URI1: variants seen among roughly 807,000 people sequenced by gnomAD.
URI1 encodes the protein unconventional prefoldin RPB5 interactor 1.
In URI1, 39 loss-of-function variants were observed where a neutral mutation model predicts 60.2. The ratio of observed to expected loss-of-function variants is 0.65; its 90% confidence interval spans 0.50 to 0.85. The LOEUF (loss-of-function observed/expected upper bound fraction) is 0.85, where lower values mean the gene tolerates loss of function less well. Ranked by LOEUF, URI1 falls within the 40% of genes least tolerant of loss-of-function variation. The pLI, the probability that URI1 is intolerant of heterozygous loss-of-function variation, is 0.00. For missense variants in URI1, 691 were observed against 665.9 expected (o/e 1.04, Z -0.42); for synonymous variants, 251 against 236.8 (o/e 1.06, Z -0.55).
At chr19:29,970,865 TA>T (rs1317001945) in intron 1 of URI1, among the ~76,000 whole-genome samples, 1 of 152,118 alleles carries the variant, frequency 6.6e-6, no homozygotes, top group Non-Finnish European at 1.5e-5. Context: ...ACAAAATATG[TA>T]ATATTGAAAA....
In URI1 at chr19:30,009,036, G is replaced by A. The variant is rs759629218; in HGVS notation, c.718G>A (p.Asp240Asn). Residue 240 changes from aspartate (D) to asparagine (N), a missense_variant, in exon 8 of 11, where the codon GAT becomes AAT. By Grantham distance (23) the Asp-to-Asn change is conservative. Transcript: ENST00000392271. ...KPDTVIANGE[D>N]TTSSEEEKED... Reference sequence around the variant, plus strand: ...TGATACTGTGATTGCAAATGGAGAAGATACGACATCTTCTGAAGAGGAAAA... The same window carrying A: ...TGATACTGTGATTGCAAATGGAGAAAATACGACATCTTCTGAAGAGGAAAA... 28 of 1,612,690 alleles carry A rather than the reference G, an allele frequency of 1.7e-5. No individual in the cohort carries two copies. Among genetic ancestry groups the A allele is most frequent in the Non-Finnish European group, 2.3e-5 (27 of 1,179,218 alleles).
chr19:29,950,010 G>A (rs1326815847), intron 1 of URI1, among the ~76,000 whole-genome samples: 1 of 152,200 alleles, frequency 6.6e-6, no homozygotes, highest in South Asian at 2.1e-4. Flanking sequence ...TTGTATAGCC[G>A]AAGGCACATT....
At chr19:29,950,170 C>T (rs2055162147) in intron 1 of URI1, among the ~76,000 whole-genome samples, 1 of 143,384 alleles carries the variant, frequency 7.0e-6, no homozygotes, top group Non-Finnish European at 1.5e-5. Flanking sequence ...TGTCAATAAA[C>T]ATAAAACAGT....
intron 4 of URI1, among the ~76,000 whole-genome samples, chr19:29,988,975 A>G (rs373314863): frequency 1.3e-5 from 2 of 152,138 alleles, no homozygotes; most frequent in South Asian, 2.1e-4. Context: ...AGCCATTTGA[A>G]TAGGTGTATA....
intron 2 of URI1, among the ~76,000 whole-genome samples, chr19:29,978,691 G>A (rs1213929894): frequency 6.6e-6 from 1 of 152,114 alleles, no homozygotes; most frequent in African/African-American, 2.4e-5. Flanking sequence ...ATTGGGGTGG[G>A]TATCAGTGTA....
At chr19:29,945,417 A>C (rs886093919) in intron 1 of URI1, among the ~76,000 whole-genome samples, 1 of 152,218 alleles carries the variant, frequency 6.6e-6, no homozygotes, top group East Asian at 1.9e-4. Context: ...CATGGAATAA[A>C]AAGGACAAAA....
intron 2 of URI1, among the ~76,000 whole-genome samples, chr19:29,978,932 G>A (rs1381382097): frequency 6.6e-6 from 1 of 152,134 alleles, no homozygotes; most frequent in Non-Finnish European, 1.5e-5. Flanking sequence ...AGGTATCTAT[G>A]ATTGGGCCTC....
At chr19:29,995,286 T>G (rs1050457756) in intron 4 of URI1, among the ~76,000 whole-genome samples, 2 of 152,154 alleles carry the variant, frequency 1.3e-5, no homozygotes, top group African/African-American at 4.8e-5. Context: ...AAGTGAAGTA[T>G]CAGCAGGGTT....
At chr19:29,967,201 T>C (rs924851060) in intron 1 of URI1, among the ~76,000 whole-genome samples, 5 of 152,216 alleles carry the variant, frequency 3.3e-5, no homozygotes, top group African/African-American at 1.2e-4. Context: ...TTCCATATAA[T>C]GTGTGGAGCT....
At chr19:29,961,068 C>T (rs2055317130) in intron 1 of URI1, among the ~76,000 whole-genome samples, 2 of 151,818 alleles carry the variant, frequency 1.3e-5, no homozygotes, top group Admixed American at 1.3e-4. Flanking sequence ...ACTATGTTGC[C>T]CAGGGTGGTC....
At chr19:29,990,784 C>T (rs1254748643) in intron 4 of URI1, among the ~76,000 whole-genome samples, 1 of 152,100 alleles carries the variant, frequency 6.6e-6, no homozygotes, top group Non-Finnish European at 1.5e-5. Context: ...TACAAAAATA[C>T]AGATTTTGGT....
At chr19:29,933,406 A>T (rs1336413524) in intron 1 of URI1, among the ~76,000 whole-genome samples, 1 of 152,222 alleles carries the variant, frequency 6.6e-6, no homozygotes, top group Non-Finnish European at 1.5e-5. Context: ...TTTGGAGTAC[A>T]ATTGTTTATA....
chr19:30,009,224 T>C lies in URI1; in HGVS notation c.906T>C (p.Asp302=). The C allele has an allele frequency of 6.2e-7, 1 of 1,613,200 alleles. No homozygotes were observed. Among genetic ancestry groups the C allele is most frequent in the Non-Finnish European group, 8.5e-7 (1 of 1,179,592 alleles). Residue 302 remains aspartate (D), a synonymous_variant, in exon 8 of 11, where the codon GAT becomes GAC. Transcript: ENST00000392271. ...GTTCTTACCACAGTGATGATGATGATGATGATGATGATGACGACGACGACG... is the reference window on the plus strand; with the variant it reads ...GTTCTTACCACAGTGATGATGATGACGATGATGATGATGACGACGACGACG... ...GSSSYHSDDD[D]DDDDDDDDDN... is the part of the protein sequence containing the mutation.
intron 1 of URI1, among the ~76,000 whole-genome samples, chr19:29,927,560 CTTTTTTT>C (rs3049080): frequency 3.5e-4 from 14 of 39,812 alleles, no homozygotes; most frequent in African/African-American, 1.5e-3. Context: ...CTGCACCCGG[CTTTTTTT>C]TTTTTTTTTT....
upstream of URI1, chr19:29,942,185 G>C: frequency 3.1e-6 from 3 of 979,876 alleles, no homozygotes; most frequent in Non-Finnish European, 3.6e-6. Context: ...CGAGCTGGGC[G>C]TGTCGGGGGC....
chr19:30,005,176 A>C (rs1764560285), intron 4 of URI1, among the ~76,000 whole-genome samples, 185 bp from the exon 5 acceptor site: 1 of 152,036 alleles, frequency 6.6e-6, no homozygotes, highest in Admixed American at 6.6e-5. Context: ...GTAATGTGCT[A>C]TATATATAGC....
At chr19:29,981,893 A>G (rs1254478615) in intron 2 of URI1, among the ~76,000 whole-genome samples, 1 of 152,178 alleles carries the variant, frequency 6.6e-6, no homozygotes, top group East Asian at 1.9e-4. Flanking sequence ...AATCTGTTCA[A>G]ATTTTGTTAT....
intron 4 of URI1, among the ~76,000 whole-genome samples, chr19:30,001,715 G>T (rs752282387): frequency 1.3e-5 from 2 of 151,956 alleles, no homozygotes; most frequent in Non-Finnish European, 2.9e-5. Context: ...CCCAGCCACA[G>T]TTAGGTTCCA....
chr19:29,942,286 G>C lies in URI1; in HGVS notation c.-262G>C, dbSNP rs1052599980. 4.1e-6 allele frequency: 4 copies of C among 985,106 alleles called. No homozygotes were observed. In the African/African-American group the frequency reaches 7.0e-5, roughly 17 times the overall value. The allele number at this position is 985,106 out of a possible 1,614,324, so 61.0% of individuals were successfully genotyped here. A position where few individuals can be genotyped will look rare whatever the true frequency, so the allele number is the denominator to read the frequency against. On this transcript the variant is annotated 5_prime_UTR_variant, in exon 1 of 11. Coordinates refer to ENST00000392271, the MANE Select transcript of URI1 (RefSeq NM_003796.3). ...CGCGACGCCTGGCTGGGCCCGCACC[G>C]GAGAGGCGTCTCGGTACCTGGCAGG... is the stretch of plus-strand genomic sequence containing the variant.
Sources: allele counts gnomAD v4.1 joint callset (sites outside exome capture counted in the v4.1 genomes callset), GRCh38; gene constraint gnomAD v4.1.1; transcripts MANE v1.5; gene names NCBI Gene and HGNC (gene_info 2026-07-23, HGNC 2026-07-21).